NUP155: variants seen among roughly 807,000 people sequenced by gnomAD.
NUP155 encodes the protein nucleoporin 155.
In NUP155, 71 loss-of-function variants were observed where a neutral mutation model predicts 180.4. The ratio of observed to expected loss-of-function variants is 0.39; its 90% confidence interval spans 0.33 to 0.48. NUP155 has a LOEUF of 0.48. Among genes scored for constraint, NUP155 ranks in the 20% least tolerant of loss-of-function variants. The probability of loss-of-function intolerance (pLI) is 0.91; values close to 1 mark genes in which losing one functional copy is unlikely to be tolerated. For synonymous variants in NUP155, 582 were observed against 559.5 expected (o/e 1.04, Z -0.57); for missense variants, 1,553 against 1,648.9 (o/e 0.94, Z 1.01).
chr5:37,331,042 G>C (rs1305335034), intron 14 of NUP155, among the ~76,000 whole-genome samples: 1 of 151,898 alleles, frequency 6.6e-6, no homozygotes, highest in Non-Finnish European at 1.5e-5. Flanking sequence ...CCAGCTACTT[G>C]GGAGGCTGAG....
At position 37,314,201 on chromosome 5, in the gene NUP155, C is replaced by A; in HGVS notation, c.2433G>T (p.Gln811His). The part of the protein sequence containing the change: ...HQFTIIVAEL[Q>H]KELQEQLKIT... ...ATAAAAAAATAAAAAAAATTACCTT[C>A]TGAAGTTCTGCCACAATGATAGTGA... Residue 811 changes from glutamine to histidine, a missense_variant, in exon 22 of 35, where the codon CAG becomes CAT. Gln to His is a conservative substitution (Grantham distance 24). Transcript: ENST00000231498. 6.2e-7 allele frequency: 1 copy of A among 1,603,662 alleles called. No individual in the cohort carries two copies. The highest frequency in any genetic ancestry group is 8.5e-7 in the Non-Finnish European group (1 of 1,171,656).
At chr5:37,294,023 A>AAAAAAT (rs1742381838) in intron 33 of NUP155, among the ~76,000 whole-genome samples, 1 of 76,142 alleles carries the variant, frequency 1.3e-5, no homozygotes, top group Non-Finnish European at 2.1e-5. Context: ...AAAAAAAAAA[A>AAAAAAT]AAAAATAAAG....
chr5:37,327,132 T>C (rs1158970524), intron 18 of NUP155: 1 of 177,040 alleles, frequency 5.6e-6, no homozygotes, highest in Non-Finnish European at 1.2e-5. Flanking sequence ...TAACACAAAA[T>C]ATCAGTGTTA....
Position 37,310,684 on chromosome 5 carries a change from T to A in NUP155, c.2496A>T (p.Glu832Asp). The A allele has an allele frequency of 6.2e-7, 1 of 1,613,914 alleles. No homozygotes were observed. The highest frequency in any genetic ancestry group is 8.5e-7 in the Non-Finnish European group (1 of 1,179,894). Residue 832 changes from glutamate to aspartate, a missense_variant, in exon 23 of 35, where the codon GAA becomes GAT. Transcript: ENST00000231498. ...GAGAAGCAATTAATGCCCCTGTGAG[T>A]TCTTTGTCCCTGATTACAAGATCTT... is the stretch of plus-strand genomic sequence containing the variant. ...TFKDLVIRDK[E>D]LTGALIASLI...
chr5:37,322,321 T>C (rs1448316147), intron 20 of NUP155, among the ~76,000 whole-genome samples: 1 of 152,166 alleles, frequency 6.6e-6, no homozygotes. Context: ...CTGTAATACC[T>C]CGTTAACAAT....
At chr5:37,335,158 A>C (rs1745242806) in intron 12 of NUP155, among the ~76,000 whole-genome samples, 2 of 111,874 alleles carry the variant, frequency 1.8e-5, no homozygotes, top group Admixed American at 8.0e-5. Context: ...ACTCTGTCAC[A>C]AAAAAAAAAA....
chr5:37,296,091 G>C (rs531412303), intron 32 of NUP155, among the ~76,000 whole-genome samples: 1 of 149,530 alleles, frequency 6.7e-6, no homozygotes, highest in Admixed American at 6.6e-5. Flanking sequence ...CGCCCCGTCC[G>C]GGAGGTGAGG....
chr5:37,345,180 G>C (rs568325046), intron 9 of NUP155, among the ~76,000 whole-genome samples: 1 of 151,806 alleles, frequency 6.6e-6, no homozygotes, highest in East Asian at 1.9e-4. Context: ...GGGACTACTG[G>C]GCAATTTTAA....
intron 3 of NUP155, among the ~76,000 whole-genome samples, chr5:37,363,518 C>T (rs190252599): frequency 2.1e-3 from 315 of 152,258 alleles, no homozygotes; most frequent in African/African-American, 7.0e-3. Context: ...ATATCACATG[C>T]CTACTCCATA....
At chr5:37,340,025 T>C (rs1335028814) in intron 11 of NUP155, among the ~76,000 whole-genome samples, 1 of 152,166 alleles carries the variant, frequency 6.6e-6, no homozygotes, top group Non-Finnish European at 1.5e-5. Context: ...TCCCGAAGTG[T>C]TGGGCTTACA....
intron 17 of NUP155, 137 bp downstream of exon 17, chr5:37,328,221 C>T: frequency 2.8e-6 from 2 of 724,446 alleles, no homozygotes; most frequent in South Asian, 1.8e-5. Context: ...CCAAAACTTG[C>T]TTGGACAGCG....
chr5:37,336,444 GA>G (rs936982554), intron 12 of NUP155, among the ~76,000 whole-genome samples: 27 of 144,516 alleles, frequency 1.9e-4, no homozygotes, highest in African/African-American at 3.0e-4. Context: ...AAAGAGTAAA[GA>G]AAAAAAAAAA....
chr5:37,370,775 A>C, intron 1 of NUP155, 46 bp downstream of exon 1: 1 of 1,613,852 alleles, frequency 6.2e-7, no homozygotes, highest in Non-Finnish European at 8.5e-7. Context: ...TTAGGAAGTC[A>C]GGCGAGAGTC....
At position 37,337,884 on chromosome 5, in the gene NUP155, A is replaced by G; in HGVS notation, c.1281T>C (p.Asp427=). 1 of 1,610,780 alleles carries G rather than the reference A, an allele frequency of 6.2e-7. No individual in the cohort carries two copies. Among genetic ancestry groups the G allele is most frequent in the Admixed American group, 1.7e-5 (1 of 59,778 alleles). Residue 427 remains aspartate (D), a synonymous_variant, in exon 12 of 35, where the codon GAT becomes GAC. Transcript: ENST00000231498. ...ILLMAASENE[D]NDILWCVNHD... Reference sequence around the variant, plus strand: ...GGTTGACACACCATAAAATATCATTATCCTCATTTTCTGAGGCTGCCATCA... The same window carrying G: ...GGTTGACACACCATAAAATATCATTGTCCTCATTTTCTGAGGCTGCCATCA...
At chr5:37,356,256 T>C (rs987414280) in intron 4 of NUP155, among the ~76,000 whole-genome samples, 7 of 151,600 alleles carry the variant, frequency 4.6e-5, no homozygotes, top group African/African-American at 1.7e-4. Context: ...AATAGAGATT[T>C]GGCATTATGA....
chr5:37,358,885 C>T (rs896919570), intron 3 of NUP155, among the ~76,000 whole-genome samples: 37 of 152,120 alleles, frequency 2.4e-4, no homozygotes, highest in Admixed American at 6.6e-4. Flanking sequence ...GGCATGGTGG[C>T]GCACGCCTGT....
intron 5 of NUP155, among the ~76,000 whole-genome samples, chr5:37,351,886 G>T (rs1160661327): frequency 6.6e-6 from 1 of 152,022 alleles, no homozygotes; most frequent in African/African-American, 2.4e-5. Context: ...GTGTGTGTGT[G>T]TGTGTGTGCC....
At chr5:37,304,279 A>G (rs1561769973) in intron 27 of NUP155, among the ~76,000 whole-genome samples, 1 of 147,098 alleles carries the variant, frequency 6.8e-6, no homozygotes, top group Non-Finnish European at 1.5e-5. Flanking sequence ...AAAAAGGGAA[A>G]TTTACTATAA....
chr5:37,349,353 G>A (rs1160783306), intron 7 of NUP155, 108 bp from the exon 8 acceptor site: 3 of 404,456 alleles, frequency 7.4e-6, no homozygotes. Context: ...TTTGTATTCA[G>A]GGGCTTTCTA....
Sources: allele counts gnomAD v4.1 joint callset (sites outside exome capture counted in the v4.1 genomes callset), GRCh38; gene constraint gnomAD v4.1.1; transcripts MANE v1.5; gene names NCBI Gene and HGNC (gene_info 2026-07-23, HGNC 2026-07-21).